The following NARS2 variants were observed in gnomAD, a reference collection of about 807,000 sequenced individuals.
NARS2 encodes asparaginyl-tRNA synthetase.
In NARS2, 60 loss-of-function variants were observed where a neutral mutation model predicts 62.9. The observed-to-expected ratio is 0.95, with a 90% CI of 0.77 to 1.18. The LOEUF (loss-of-function observed/expected upper bound fraction) is 1.18. NARS2 is among the 50% of genes most tolerant of loss of function. The pLI, the probability that NARS2 is intolerant of heterozygous loss-of-function variation, is 0.00. For synonymous variants in NARS2, 196 were observed against 200.0 expected (o/e 0.98, Z 0.17); for missense variants, 619 against 576.4 (o/e 1.07, Z -0.76).
At chr11:78,447,505 C>A (rs1279453933) in intron 11 of NARS2, among the ~76,000 whole-genome samples, 2 of 151,994 alleles carry the variant, frequency 1.3e-5, no homozygotes, top group Admixed American at 1.3e-4. Flanking sequence ...GTATATATAT[C>A]CAGAAGAATA....
chr11:78,549,948 T>C lies in NARS2; in HGVS notation c.594+9591A>G, dbSNP rs1856035550. ...AAAAGACAACCCAATTAAAGTCTTTTAAGGCAAAAGACTTAAATAGACATT... is the reference window on the plus strand; with the variant it reads ...AAAAGACAACCCAATTAAAGTCTTTCAAGGCAAAAGACTTAAATAGACATT... On this transcript the variant is annotated intron_variant, in intron 5 of 13. Coordinates refer to ENST00000281038, the MANE Select transcript of NARS2 (RefSeq NM_024678.6). 2.0e-5 allele frequency among the ~76,000 whole-genome samples: 3 copies of C among 152,142 alleles called. No homozygotes were observed. The South Asian group carries it at 6.2e-4, about 32-fold the overall frequency.
At position 78,436,829 on chromosome 11, in the gene NARS2, T is replaced by TG; in HGVS notation, c.1290-16_1290-15insC. The TG allele has an allele frequency of 6.2e-7, 1 of 1,612,052 alleles. No individual in the cohort carries two copies. The highest frequency in any genetic ancestry group is 8.5e-7 in the Non-Finnish European group (1 of 1,178,724). On this transcript the variant is annotated splice_polypyrimidine_tract_variant and intron_variant, in intron 13 of 13. Coordinates refer to ENST00000281038, the MANE Select transcript of NARS2 (RefSeq NM_024678.6). ...GGTCCAGATACCTGTTTTTCAAAAATAGAAAATCATCATCTATATATAGTA... is the reference window on the plus strand; with the variant it reads ...GGTCCAGATACCTGTTTTTCAAAAATGAGAAAATCATCATCTATATATAGTA...
chr11:78,450,012 A>G (rs1857908474), intron 11 of NARS2, among the ~76,000 whole-genome samples: 2 of 152,200 alleles, frequency 1.3e-5, no homozygotes, highest in Admixed American at 1.3e-4. Context: ...TATGTACTAA[A>G]AGCATTTGTA....
At chr11:78,528,498 ACT>A (rs1353383971) in intron 6 of NARS2, among the ~76,000 whole-genome samples, 1 of 152,076 alleles carries the variant, frequency 6.6e-6, no homozygotes, top group African/African-American at 2.4e-5. Flanking sequence ...TTCAAATACT[ACT>A]CTCTTTAAAA....
chr11:78,547,357 C>G (rs532521461), intron 5 of NARS2, among the ~76,000 whole-genome samples: 2 of 152,100 alleles, frequency 1.3e-5, no homozygotes, highest in Admixed American at 6.5e-5. Flanking sequence ...ATTCTCAACA[C>G]AGGACCCAAT....
chr11:78,460,755 T>A (rs1858362828), intron 11 of NARS2, among the ~76,000 whole-genome samples: 1 of 152,144 alleles, frequency 6.6e-6, no homozygotes, highest in Admixed American at 6.5e-5. Context: ...TGAGATGCCT[T>A]TGAGATATGT....
At chr11:78,542,485 T>C (rs939434481) in intron 5 of NARS2, among the ~76,000 whole-genome samples, 1 of 152,116 alleles carries the variant, frequency 6.6e-6, no homozygotes, top group Non-Finnish European at 1.5e-5. Context: ...CATTGTCAGA[T>C]TGGGGCTTTA....
intron 11 of NARS2, among the ~76,000 whole-genome samples, chr11:78,453,376 C>T (rs1213532497): frequency 2.6e-5 from 4 of 151,988 alleles, no homozygotes; most frequent in African/African-American, 9.7e-5. Flanking sequence ...CTGAACAAAC[C>T]CTGATTTCTA....
chr11:78,439,672 A>G (rs1362185257), intron 13 of NARS2, among the ~76,000 whole-genome samples: 1 of 152,144 alleles, frequency 6.6e-6, no homozygotes, highest in Non-Finnish European at 1.5e-5. Context: ...CATCACCTGA[A>G]GCCAATTTTA....
chr11:78,499,156 T>C (rs1860187851), intron 6 of NARS2, among the ~76,000 whole-genome samples: 1 of 152,126 alleles, frequency 6.6e-6, no homozygotes. Flanking sequence ...GACCTCGTGA[T>C]CCGCCTGCCT....
At chr11:78,452,892 A>G (rs892418194) in intron 11 of NARS2, among the ~76,000 whole-genome samples, 1 of 152,224 alleles carries the variant, frequency 6.6e-6, no homozygotes, top group Non-Finnish European at 1.5e-5. Flanking sequence ...GATATAATTC[A>G]AAGAGAAAGG....
chr11:78,512,468 A>G (rs889061465), intron 6 of NARS2, among the ~76,000 whole-genome samples: 1 of 152,256 alleles, frequency 6.6e-6, no homozygotes, highest in African/African-American at 2.4e-5. Context: ...GTGCCTGCAC[A>G]GGAGTAAACA....
intron 6 of NARS2, among the ~76,000 whole-genome samples, chr11:78,505,417 A>G (rs529153110): frequency 4.9e-4 from 74 of 152,102 alleles, no homozygotes; most frequent in African/African-American, 1.6e-3. Flanking sequence ...ATCCAATAGC[A>G]TAGTATTTCA....
chr11:78,455,983 C>A (rs1383461862), intron 11 of NARS2, among the ~76,000 whole-genome samples: 8 of 152,008 alleles, frequency 5.3e-5, no homozygotes, highest in Non-Finnish European at 1.2e-4. Context: ...AAAATTTAAT[C>A]TTTGTTAATC....
chr11:78,487,745 T>G lies in NARS2; in HGVS notation c.822+5318A>C, dbSNP rs112195273. Reference sequence around the variant, plus strand: ...TACATTGGAAAAAACAATTCAAGACTGGATTTATTCTCAAACACTACAGAG... The same window carrying G: ...TACATTGGAAAAAACAATTCAAGACGGGATTTATTCTCAAACACTACAGAG... On this transcript the variant is annotated intron_variant, in intron 7 of 13. Transcript: ENST00000281038. Among the ~76,000 whole-genome samples, 1,322 of 151,780 alleles carry G rather than the reference T, an allele frequency of 8.7e-3. 28 individuals carry two copies. The highest frequency in any genetic ancestry group is 0.031 in the African/African-American group (1,271 of 41,400).
At position 78,571,418 on chromosome 11, in the gene NARS2, C is replaced by G; in HGVS notation, c.168G>C (p.Gln56His). ...TTACATGCAGGAACAAGACTTCCTT[C>G]TGGGATCGGACAGAACGAATCCATC... ...IQGWIRSVRS[Q>H]KEVLFLHVND... The change falls in exon 2 of 14, where the codon CAG (glutamine) becomes CAC (histidine). Residue 56 changes from glutamine to histidine, a missense_variant. By Grantham distance (24) the Gln-to-His change is conservative (BLOSUM62 0). Transcript: ENST00000281038. 1 of 1,613,196 alleles carries G rather than the reference C, an allele frequency of 6.2e-7. No individual in the cohort carries two copies. Among genetic ancestry groups the G allele is most frequent in the Admixed American group, 1.7e-5 (1 of 59,894 alleles).
At chr11:78,468,257 G>C (rs1381962077) in intron 10 of NARS2, among the ~76,000 whole-genome samples, 1 of 124,758 alleles carries the variant, frequency 8.0e-6, no homozygotes, top group African/African-American at 3.1e-5. Flanking sequence ...TAAACTAAAA[G>C]GCTCCGTAAA....
intron 6 of NARS2, among the ~76,000 whole-genome samples, chr11:78,520,202 G>A (rs1186359172): frequency 6.6e-6 from 1 of 152,190 alleles, no homozygotes; most frequent in Non-Finnish European, 1.5e-5. Flanking sequence ...CTACAAATCT[G>A]AAATCAAAGT....
intron 11 of NARS2, among the ~76,000 whole-genome samples, chr11:78,461,158 G>A (rs140268205): frequency 6.6e-6 from 1 of 152,172 alleles, no homozygotes; most frequent in African/African-American, 2.4e-5. Context: ...GAATGTATAT[G>A]AGTCTAGAGC....
Sources: allele counts gnomAD v4.1 joint callset (sites outside exome capture counted in the v4.1 genomes callset), GRCh38; gene constraint gnomAD v4.1.1; transcripts MANE v1.5; gene names NCBI Gene and HGNC (gene_info 2026-07-23, HGNC 2026-07-21).